SYTL2: variants seen among roughly 807,000 people sequenced by gnomAD.
SYTL2 encodes synaptotagmin like 2, also known as synaptotagmin-like protein 2.
A neutral mutation model predicts 198.7 loss-of-function variants in SYTL2; 165 were observed. That is an observed-to-expected ratio of 0.83 (90% CI 0.73 to 0.94). SYTL2 has a LOEUF of 0.94. Ranked by LOEUF, SYTL2 falls within the 40% of genes least tolerant of loss-of-function variation. SYTL2 has a pLI of 0.00. For synonymous variants in SYTL2, 966 were observed against 917.7 expected (o/e 1.05, Z -0.95); for missense variants, 2,835 against 2,582.8 (o/e 1.10, Z -2.12).
At chr11:85,788,549 G>A (rs1018843525) in intron 1 of SYTL2, among the ~76,000 whole-genome samples, 2 of 152,156 alleles carry the variant, frequency 1.3e-5, no homozygotes, top group African/African-American at 4.8e-5. Flanking sequence ...ACTTGCCAAA[G>A]TAATCACATC....
At chr11:85,757,556 C>G in intron 2 of SYTL2, 69 bp downstream of exon 2, 6 of 1,551,140 alleles carry the variant, frequency 3.9e-6, no homozygotes, top group Non-Finnish European at 5.3e-6. Flanking sequence ...TGAAAAAAAC[C>G]CCAGTGTCCT....
chr11:85,761,990 A>G (rs1275377021), intron 1 of SYTL2, among the ~76,000 whole-genome samples: 3 of 152,222 alleles, frequency 2.0e-5, no homozygotes, highest in Non-Finnish European at 4.4e-5. Flanking sequence ...TGTTTTTCAC[A>G]TGAGGAGAGT....
chr11:85,808,281 G>C (rs993587684), intron 1 of SYTL2, among the ~76,000 whole-genome samples: 11 of 152,036 alleles, frequency 7.2e-5, no homozygotes, highest in Admixed American at 6.6e-4. Flanking sequence ...TGGCCAGGCT[G>C]GTCTCGAACT....
intron 2 of SYTL2, among the ~76,000 whole-genome samples, chr11:85,752,917 TAAAAAAAAAAAAAAAAAAAAA>T (rs1162431708): frequency 5.6e-5 from 1 of 17,704 alleles, no homozygotes; most frequent in South Asian, 5.6e-3. Context: ...CTGCCTTCAT[TAAAAAAAAAAAAAAAAAAAAA>T]AAAAAAAAAA....
chr11:85,835,988 T>C, the SYTL2 span, among the ~76,000 whole-genome samples: 10 of 152,174 alleles, frequency 6.6e-5, 1 homozygote, highest in Admixed American at 3.9e-4. Context: ...ATGTGTGGCA[T>C]CCCTGAGTCT....
chr11:85,763,624 G>T (rs2092156525), intron 1 of SYTL2, among the ~76,000 whole-genome samples: 1 of 151,768 alleles, frequency 6.6e-6, no homozygotes, highest in South Asian at 2.1e-4. Flanking sequence ...TACATAAATG[G>T]TGACTCTCAC....
rs2088868900 is a variant in SYTL2 at position 85,724,676 on chromosome 11, TCA to T, written c.4680_4681del (p.Ser1562CysfsTer3). The T allele has an allele frequency of 1.2e-6, 2 of 1,614,054 alleles. No homozygotes were observed. The highest frequency in any genetic ancestry group is 1.7e-6 in the Non-Finnish European group (2 of 1,179,984). On this transcript the variant is annotated frameshift_variant, in exon 8 of 20. Coordinates refer to ENST00000359152, the MANE Select transcript of SYTL2 (RefSeq NM_206927.4). LOFTEE classifies it high-confidence loss of function. ...CTCAAAACCAGCATCAAAAGCACTC[TCA>T]GTTATTAACGGAGCCTCGGCCTTTT...
chr11:85,808,705 T>C (rs80183952), intron 1 of SYTL2, among the ~76,000 whole-genome samples: 3,083 of 152,296 alleles, frequency 0.02, 50 homozygotes, highest in Non-Finnish European at 0.033. Context: ...AAAGTCCATA[T>C]ATTATGAAAT....
chr11:85,818,811 C>A, the SYTL2 span, among the ~76,000 whole-genome samples: 4 of 152,142 alleles, frequency 2.6e-5, no homozygotes, highest in South Asian at 6.2e-4. Flanking sequence ...CCACCTCAGC[C>A]TCCAGAGTAG....
At chr11:85,723,489 T>C (rs1184789327) in intron 8 of SYTL2, among the ~76,000 whole-genome samples, 2 of 152,212 alleles carry the variant, frequency 1.3e-5, no homozygotes, top group African/African-American at 4.8e-5. Context: ...TGGTAAGATA[T>C]TGCTCCCGAA....
At chr11:85,753,969 G>C (rs938019366) in intron 2 of SYTL2, among the ~76,000 whole-genome samples, 4 of 152,052 alleles carry the variant, frequency 2.6e-5, no homozygotes. Flanking sequence ...GGCAACAGTG[G>C]TGTATCCATT....
chr11:85,725,853 T>G lies in SYTL2; in HGVS notation c.3505A>C (p.Arg1169=), dbSNP rs779476717. 5.1e-5 allele frequency: 83 copies of G among 1,613,738 alleles called. No individual in the cohort carries two copies. Among genetic ancestry groups the G allele is most frequent in the Non-Finnish European group, 6.9e-5 (81 of 1,179,944 alleles). ...QVLEPSVSEN[R]TWPQKTDFAD... Reference sequence around the variant, plus strand: ...AAATCTGTTTTTTGAGGCCATGTCCTATTTTCAGAAACACTTGGTTCAAGC... The same window carrying G: ...AAATCTGTTTTTTGAGGCCATGTCCGATTTTCAGAAACACTTGGTTCAAGC... Residue 1169 remains arginine (R), a synonymous_variant, in exon 8 of 20, where the codon AGG becomes CGG. Coordinates refer to ENST00000359152, the MANE Select transcript of SYTL2 (RefSeq NM_206927.4).
chr11:85,731,479 G>A (rs1004755460), intron 7 of SYTL2, among the ~76,000 whole-genome samples: 2 of 152,244 alleles, frequency 1.3e-5, no homozygotes, highest in East Asian at 1.9e-4. Context: ...AACAAGCAAT[G>A]GGGAAAGGAT....
chr11:85,757,482 A>G, intron 2 of SYTL2, 143 bp downstream of exon 2: 1 of 919,162 alleles, frequency 1.1e-6, no homozygotes, highest in South Asian at 1.7e-5. Flanking sequence ...TGTTTTGTCC[A>G]GGAAGTAAAC....
At chr11:85,849,467 A>G in the SYTL2 span, among the ~76,000 whole-genome samples, 1 of 152,100 alleles carries the variant, frequency 6.6e-6, no homozygotes, top group Non-Finnish European at 1.5e-5. Flanking sequence ...TGATTTTTGT[A>G]TAAGGTGTAA....
intron 1 of SYTL2, among the ~76,000 whole-genome samples, chr11:85,804,511 C>T (rs1191750139): frequency 6.6e-6 from 1 of 152,136 alleles, no homozygotes; most frequent in East Asian, 1.9e-4. Flanking sequence ...TCAATTTCCT[C>T]ATCATAAAAT....
intron 5 of SYTL2, 37 bp from the exon 6 acceptor site, chr11:85,736,652 T>C: frequency 8.7e-7 from 1 of 1,153,822 alleles, no homozygotes. Context: ...TTATTTTAAA[T>C]GTCATGACAG....
the SYTL2 span, among the ~76,000 whole-genome samples, chr11:85,824,531 G>A: frequency 2.6e-5 from 4 of 152,202 alleles, no homozygotes; most frequent in African/African-American, 9.7e-5. Flanking sequence ...TCTTGGGGTA[G>A]AATGGTTTGT....
chr11:85,718,323 G>A (rs1236803911), intron 10 of SYTL2: 1 of 172,136 alleles, frequency 5.8e-6, no homozygotes, highest in Admixed American at 5.5e-5. Flanking sequence ...ATTTATATAA[G>A]CAGAGGCACG....
Sources: allele counts gnomAD v4.1 joint callset (sites outside exome capture counted in the v4.1 genomes callset), GRCh38; gene constraint gnomAD v4.1.1; transcripts MANE v1.5; gene names NCBI Gene and HGNC (gene_info 2026-07-23, HGNC 2026-07-21).